SAMTOR: variants seen among roughly 807,000 people sequenced by gnomAD.
The protein encoded by SAMTOR is UPF0532 protein C7orf60.
chr7:112,856,059 C>T, the SAMTOR span, among the ~76,000 whole-genome samples: 1 of 151,886 alleles, frequency 6.6e-6, no homozygotes, highest in African/African-American at 2.4e-5. Flanking sequence ...AATAAAAACC[C>T]AGAACTTTAT....
chr7:112,841,326 T>A, the SAMTOR span, among the ~76,000 whole-genome samples: 1 of 152,152 alleles, frequency 6.6e-6, no homozygotes, highest in Non-Finnish European at 1.5e-5. Flanking sequence ...GAACTCCCAT[T>A]CACAATTGCT....
the SAMTOR span, among the ~76,000 whole-genome samples, chr7:112,848,319 C>T: frequency 6.6e-6 from 1 of 152,246 alleles, no homozygotes; most frequent in African/African-American, 2.4e-5. Context: ...CCTTTAGCAT[C>T]ATTAAAAATA....
At chr7:112,857,747 G>A in the SAMTOR span, among the ~76,000 whole-genome samples, 1 of 152,182 alleles carries the variant, frequency 6.6e-6, no homozygotes, top group East Asian at 1.9e-4. Flanking sequence ...AGAACTGTAT[G>A]CAATGGCCCA....
At chr7:112,894,499 T>A in the SAMTOR span, among the ~76,000 whole-genome samples, 4 of 152,058 alleles carry the variant, frequency 2.6e-5, no homozygotes, top group Middle Eastern at 3.2e-3. Flanking sequence ...GGGTAATTTA[T>A]AAAGAAAAAG....
chr7:112,868,281 AGT>A, the SAMTOR span, among the ~76,000 whole-genome samples: 1 of 152,248 alleles, frequency 6.6e-6, no homozygotes, highest in Non-Finnish European at 1.5e-5. Context: ...TAGCAAAAAT[AGT>A]GCGTAAAGAT....
the SAMTOR span, among the ~76,000 whole-genome samples, chr7:112,875,657 A>G: frequency 6.6e-6 from 1 of 152,140 alleles, no homozygotes; most frequent in Non-Finnish European, 1.5e-5. Context: ...TTACTCTATA[A>G]ACATCCCACT....
At chr7:112,939,718 A>T in the SAMTOR span, 1 of 1,608,114 alleles carries the variant, frequency 6.2e-7, no homozygotes, top group Non-Finnish European at 8.5e-7. Context: ...TCTGCGCACG[A>T]GCAGTATTTC....
At chr7:112,908,097 T>C in the SAMTOR span, among the ~76,000 whole-genome samples, 11 of 152,188 alleles carry the variant, frequency 7.2e-5, no homozygotes. Context: ...ATGAGGAATA[T>C]ATCTGTATAC....
At chr7:112,893,774 C>T in the SAMTOR span, among the ~76,000 whole-genome samples, 1 of 152,220 alleles carries the variant, frequency 6.6e-6, no homozygotes, top group Non-Finnish European at 1.5e-5. Flanking sequence ...CAGTGGCACG[C>T]ACCTGTAGTC....
At chr7:112,826,285 C>T in the SAMTOR span, among the ~76,000 whole-genome samples, 6 of 152,082 alleles carry the variant, frequency 3.9e-5, no homozygotes, top group Admixed American at 6.5e-5. Context: ...AACATGCAGG[C>T]GTTAGTGCCT....
the SAMTOR span, chr7:112,939,836 C>CGGAGGCAGCAGCCAGA: frequency 1.0e-5 from 11 of 1,086,042 alleles, no homozygotes; most frequent in South Asian, 7.4e-5. Flanking sequence ...GAGGGAGCTG[C>CGGAGGCAGCAGCCAGA]GGAGGCAGCA....
chr7:112,863,522 G>GT, the SAMTOR span, among the ~76,000 whole-genome samples: 1 of 150,424 alleles, frequency 6.6e-6, no homozygotes, highest in Non-Finnish European at 1.5e-5. Flanking sequence ...GAAAATTTTT[G>GT]TAAGTTATGT....
the SAMTOR span, among the ~76,000 whole-genome samples, chr7:112,867,994 C>A: frequency 6.6e-6 from 1 of 152,168 alleles, no homozygotes; most frequent in Admixed American, 6.5e-5. Flanking sequence ...GTGAAATGCA[C>A]ATGCAAAGGA....
the SAMTOR span, among the ~76,000 whole-genome samples, chr7:112,837,878 T>C: frequency 6.6e-6 from 1 of 151,972 alleles, no homozygotes; most frequent in African/African-American, 2.4e-5. Context: ...TTAATACGTA[T>C]TGTTGATGCA....
At chr7:112,826,848 C>T in the SAMTOR span, among the ~76,000 whole-genome samples, 4 of 152,084 alleles carry the variant, frequency 2.6e-5, no homozygotes, top group African/African-American at 4.8e-5. Flanking sequence ...GTGAATTCTT[C>T]GCCAAGTGTT....
At chr7:112,897,206 G>T in the SAMTOR span, among the ~76,000 whole-genome samples, 3 of 152,190 alleles carry the variant, frequency 2.0e-5, no homozygotes, top group African/African-American at 7.2e-5. Context: ...GAGCTTTCTG[G>T]AGAAAAATGT....
At chr7:112,934,300 CCA>C in the SAMTOR span, among the ~76,000 whole-genome samples, 2 of 152,184 alleles carry the variant, frequency 1.3e-5, no homozygotes, top group Non-Finnish European at 2.9e-5. Flanking sequence ...GATTCAGCCT[CCA>C]CAGAGGGCTT....
chr7:112,880,962 C>T, the SAMTOR span, among the ~76,000 whole-genome samples: 847 of 152,222 alleles, frequency 5.6e-3, 4 homozygotes, highest in Non-Finnish European at 9.9e-3. Flanking sequence ...AAGACCCTTC[C>T]TCTCCCAAGT....
the SAMTOR span, among the ~76,000 whole-genome samples, chr7:112,826,292 G>A: frequency 6.6e-3 from 999 of 152,158 alleles, 10 homozygotes; most frequent in African/African-American, 0.022. Flanking sequence ...AGGCGTTAGT[G>A]CCTGGAATTT....
Sources: allele counts gnomAD v4.1 joint callset (sites outside exome capture counted in the v4.1 genomes callset), GRCh38; gene constraint gnomAD v4.1.1; transcripts MANE v1.5; gene names NCBI Gene and HGNC (gene_info 2026-07-23, HGNC 2026-07-21).